ADAMTS9: variants seen among roughly 807,000 people sequenced by gnomAD.
ADAMTS9 encodes the protein A disintegrin and metalloproteinase with thrombospondin motifs 9.
In ADAMTS9, 107 loss-of-function variants were observed where a neutral mutation model predicts 257.1. The ratio of observed to expected loss-of-function variants is 0.42; its 90% CI spans 0.36 to 0.49. ADAMTS9 has a LOEUF of 0.49. ADAMTS9 is among the 20% of genes least tolerant of loss of function. The pLI, the probability that ADAMTS9 is intolerant of heterozygous loss-of-function variation, is 0.03. For missense variants in ADAMTS9, 2,353 were observed against 2,469.1 expected, an observed-to-expected ratio of 0.95 and a Z score of 1.00; for synonymous variants, 982 against 880.9, an observed-to-expected ratio of 1.11 and a Z score of -2.03.
intron 3 of ADAMTS9, among the ~76,000 whole-genome samples, chr3:64,661,941 C>T (rs1200720378): frequency 1.3e-5 from 2 of 151,576 alleles, no homozygotes; most frequent in African/African-American, 2.4e-5. Flanking sequence ...GCTCAAATCT[C>T]GATTTCTTTT....
At chr3:64,596,308 A>T (rs1169064480) in intron 27 of ADAMTS9, among the ~76,000 whole-genome samples, 1 of 152,232 alleles carries the variant, frequency 6.6e-6, no homozygotes, top group African/African-American at 2.4e-5. Context: ...AACCCTGAAA[A>T]GGTAGCAGCT....
chr3:64,681,103 G>T (rs1329993231), intron 3 of ADAMTS9, 98 bp downstream of exon 3: 2 of 1,369,190 alleles, frequency 1.5e-6, no homozygotes, highest in African/African-American at 1.5e-5. Context: ...AATGCATATG[G>T]TTGCACTTTG....
chr3:64,579,112 A>T (rs2083929112), intron 28 of ADAMTS9, among the ~76,000 whole-genome samples: 1 of 151,980 alleles, frequency 6.6e-6, no homozygotes, highest in African/African-American at 2.4e-5. Context: ...TCCTTCCTCT[A>T]CTTGCCCAAC....
chr3:64,631,701 G>C, intron 15 of ADAMTS9, 107 bp downstream of exon 15: 1 of 1,219,576 alleles, frequency 8.2e-7, no homozygotes, highest in South Asian at 1.3e-5. Flanking sequence ...ACCATAACGA[G>C]ACTGATTTTT....
intron 36 of ADAMTS9, among the ~76,000 whole-genome samples, chr3:64,540,862 C>T (rs577178053): frequency 1.4e-3 from 209 of 152,270 alleles, no homozygotes; most frequent in African/African-American, 4.9e-3. Context: ...CTGCCTTGTG[C>T]GAGCCACTTT....
intron 2 of ADAMTS9, among the ~76,000 whole-genome samples, chr3:64,683,910 G>C (rs575477254): frequency 5.3e-5 from 8 of 152,224 alleles, no homozygotes; most frequent in Admixed American, 1.3e-4. Context: ...GTCTATGAAG[G>C]GGGAGGGGGA....
rs543651415 is a variant in ADAMTS9 at position 64,547,501 on chromosome 3, C to G, written c.4870-549G>C. ...TTAATTTCTTTCTCCTATCTCTCTC[C>G]CTGGCTATAGATTTTTTTTTTTTTT... is the stretch of plus-strand genomic sequence containing the variant. On this transcript the variant is annotated intron_variant, in intron 31 of 39. Transcript: ENST00000498707. Among the ~76,000 whole-genome samples, 492 of 145,558 alleles carry G rather than the reference C, an allele frequency of 3.4e-3. 3 individuals carry two copies. Among genetic ancestry groups the G allele is most frequent in the South Asian group, 6.6e-3 (30 of 4,570 alleles).
chr3:64,647,153 G>A (rs1700816563), intron 11 of ADAMTS9, among the ~76,000 whole-genome samples: 1 of 152,116 alleles, frequency 6.6e-6, no homozygotes. Flanking sequence ...ATCATTCAGA[G>A]ATTGTATCCT....
intron 20 of ADAMTS9, 125 bp downstream of exon 20, chr3:64,615,835 G>T: frequency 2.7e-6 from 3 of 1,128,662 alleles, no homozygotes; most frequent in Non-Finnish European, 3.9e-6. Context: ...ATGGGGTCAG[G>T]CATTACAAAT....
At chr3:64,674,912 C>T (rs1439200418) in intron 3 of ADAMTS9, among the ~76,000 whole-genome samples, 3 of 152,118 alleles carry the variant, frequency 2.0e-5, no homozygotes, top group Non-Finnish European at 4.4e-5. Context: ...GTGTAACAAG[C>T]ATACACTCCA....
intron 20 of ADAMTS9, 91 bp downstream of exon 20, chr3:64,615,869 C>T (rs1043489915): frequency 1.0e-5 from 15 of 1,468,572 alleles, no homozygotes; most frequent in Non-Finnish European, 2.8e-6. Context: ...CTCTTCCGCA[C>T]AGCCTAAATG....
chr3:64,623,497 T>C (rs974938313), intron 16 of ADAMTS9, among the ~76,000 whole-genome samples: 3 of 152,192 alleles, frequency 2.0e-5, no homozygotes, highest in Non-Finnish European at 4.4e-5. Flanking sequence ...TACAACCTCA[T>C]GAGAGACTTC....
chr3:64,663,691 C>CTGTG (rs1226693085), intron 3 of ADAMTS9, among the ~76,000 whole-genome samples: 3 of 152,216 alleles, frequency 2.0e-5, no homozygotes, highest in Admixed American at 2.0e-4. Flanking sequence ...ATTTCACCCA[C>CTGTG]AAGTAATCTG....
At chr3:64,568,625 G>T in intron 28 of ADAMTS9, 90 bp from the exon 29 acceptor site, 2 of 1,456,766 alleles carry the variant, frequency 1.4e-6, no homozygotes, top group Non-Finnish European at 1.9e-6. Flanking sequence ...TTAAGACAAT[G>T]CCTAACAAGA....
At chr3:64,574,559 C>CAAAAAAAAAAA (rs34194727) in intron 28 of ADAMTS9, among the ~76,000 whole-genome samples, 2 of 80,770 alleles carry the variant, frequency 2.5e-5, no homozygotes, top group Non-Finnish European at 2.8e-5. Context: ...CCCATCTCTA[C>CAAAAAAAAAAA]AAAAAAAAAA....
chr3:64,628,637 G>A (rs7652817), intron 16 of ADAMTS9, among the ~76,000 whole-genome samples: 30,523 of 152,062 alleles, frequency 0.2, 3,807 homozygotes, highest in Non-Finnish European at 0.27. Context: ...GTCTTATAAA[G>A]TTGTCACTCA....
chr3:64,621,785 T>TAAAAAAAA (rs201458197), intron 18 of ADAMTS9, among the ~76,000 whole-genome samples: 1 of 120,816 alleles, frequency 8.3e-6, no homozygotes, highest in Non-Finnish European at 1.7e-5. Flanking sequence ...AATAAAAAAA[T>TAAAAAAAA]AAAAAAATAA....
At chr3:64,538,612 T>A (rs1406623989) in intron 37 of ADAMTS9, among the ~76,000 whole-genome samples, 1 of 152,236 alleles carries the variant, frequency 6.6e-6, no homozygotes, top group South Asian at 2.1e-4. Context: ...TTGTTTTTTC[T>A]GTCTAATCCA....
At chr3:64,567,435 T>G (rs2083572521) in intron 29 of ADAMTS9, among the ~76,000 whole-genome samples, 1 of 152,308 alleles carries the variant, frequency 6.6e-6, no homozygotes, top group Non-Finnish European at 1.5e-5. Flanking sequence ...TACAGAATGT[T>G]TTAAAAGAAA....
Sources: gnomAD v4.1 joint callset for allele counts (sites outside exome capture counted in the v4.1 genomes callset) on GRCh38, gnomAD v4.1.1 for gene constraint, MANE v1.5 for transcripts, NCBI Gene and HGNC (gene_info 2026-07-23, HGNC 2026-07-21) for gene names.